The following EXOC6B variants were observed in gnomAD, a reference collection of about 807,000 sequenced individuals.
The protein encoded by EXOC6B is exocyst complex component 6B.
A neutral mutation model predicts 113.5 loss-of-function variants in EXOC6B; 54 were observed. The ratio of observed to expected loss-of-function variants is 0.48; its 90% confidence interval spans 0.38 to 0.60. The LOEUF (loss-of-function observed/expected upper bound fraction) is 0.60. Ranked by LOEUF, EXOC6B falls within the 20% of genes least tolerant of loss-of-function variation. EXOC6B has a pLI of 0.00. For synonymous variants in EXOC6B, 357 were observed against 339.0 expected, an observed-to-expected ratio of 1.05 and a Z score of -0.58; for missense variants, 797 against 977.5, an observed-to-expected ratio of 0.82 and a Z score of 2.46.
At chr2:72,443,003 A>G (rs1002411857) in intron 18 of EXOC6B, among the ~76,000 whole-genome samples, 2 of 152,058 alleles carry the variant, frequency 1.3e-5, no homozygotes, top group African/African-American at 4.8e-5. Flanking sequence ...CACGGCTACA[A>G]TAACCAAAAC....
At chr2:72,188,883 C>T (rs1678620289) in intron 20 of EXOC6B, among the ~76,000 whole-genome samples, 3 of 152,214 alleles carry the variant, frequency 2.0e-5, no homozygotes, top group African/African-American at 7.2e-5. Flanking sequence ...TTCTACCCCA[C>T]ATGCTCCAGC....
At chr2:72,680,649 G>T (rs926947893) in intron 6 of EXOC6B, among the ~76,000 whole-genome samples, 2 of 151,966 alleles carry the variant, frequency 1.3e-5, no homozygotes, top group Non-Finnish European at 1.5e-5. Context: ...TGAGCCAGGA[G>T]AATCACTTGG....
chr2:72,583,021 C>G (rs1705328609), intron 6 of EXOC6B, among the ~76,000 whole-genome samples: 2 of 152,154 alleles, frequency 1.3e-5, no homozygotes, highest in Non-Finnish European at 2.9e-5. Flanking sequence ...ATTAGAGCTT[C>G]TGGAATTGAC....
chr2:72,569,385 A>AT lies in EXOC6B; in HGVS notation c.846+6106dup, dbSNP rs572932058. Among the ~76,000 whole-genome samples the AT allele has an allele frequency of 2.9e-3, 447 of 151,792 alleles. 4 individuals carry two copies. Among genetic ancestry groups the AT allele is most frequent in the African/African-American group, 0.01 (423 of 41,388 alleles). ...CCGTCAGTCTGTTTTTTATTTTGCCATTTTTTTGGATAGACACCCAATATA... is the reference window on the plus strand; with the variant it reads ...CCGTCAGTCTGTTTTTTATTTTGCCATTTTTTTTGGATAGACACCCAATATA... On this transcript the variant is annotated intron_variant, in intron 7 of 21. Coordinates refer to ENST00000272427, the MANE Select transcript of EXOC6B (RefSeq NM_015189.3).
intron 6 of EXOC6B, among the ~76,000 whole-genome samples, chr2:72,712,145 A>G (rs1257060250): frequency 6.6e-6 from 1 of 152,222 alleles, no homozygotes; most frequent in African/African-American, 2.4e-5. Flanking sequence ...AGAGACTTCT[A>G]GCTAGACACC....
intron 20 of EXOC6B, among the ~76,000 whole-genome samples, chr2:72,327,534 G>T (rs1257289427): frequency 1.3e-5 from 2 of 152,026 alleles, no homozygotes; most frequent in Non-Finnish European, 2.9e-5. Flanking sequence ...TTCCAAACAT[G>T]CTATGATGCC....
intron 21 of EXOC6B, chr2:72,183,002 GT>G: frequency 1.3e-6 from 1 of 784,430 alleles, no homozygotes. Flanking sequence ...TGCAGTCTGA[GT>G]TTTTAGTCTC....
At chr2:72,540,449 C>T (rs1335009041) in intron 8 of EXOC6B, among the ~76,000 whole-genome samples, 1 of 152,136 alleles carries the variant, frequency 6.6e-6, no homozygotes, top group African/African-American at 2.4e-5. Flanking sequence ...TCATTTTCTA[C>T]ATATATATAT....
In EXOC6B at chr2:72,825,890, C is replaced by A. The variant is rs1163615292; in HGVS notation, c.21G>T (p.Ala7=). 1 of 1,613,128 alleles carries A rather than the reference C, an allele frequency of 6.2e-7. No homozygotes were observed. Among genetic ancestry groups the A allele is most frequent in the African/African-American group, 1.3e-5 (1 of 74,926 alleles). The change falls in exon 1 of 22, where the codon GCG becomes GCT. Residue 7 remains alanine (A), a synonymous_variant. Coordinates refer to ENST00000272427, the MANE Select transcript of EXOC6B (RefSeq NM_015189.3). The surrounding 1 kb of genome is among the most constrained non-coding windows in gnomAD (Gnocchi z 4.4). MERGKM[A]EAESLETAAE... is the part of the protein sequence containing the mutation. Reference sequence around the variant, plus strand: ...CCGCTGTCTCCAGGCTCTCCGCCTCCGCCATCTTACCCCGCTCCATAGACT... The same window carrying A: ...CCGCTGTCTCCAGGCTCTCCGCCTCAGCCATCTTACCCCGCTCCATAGACT...
intron 6 of EXOC6B, among the ~76,000 whole-genome samples, chr2:72,593,272 C>G (rs966880518): frequency 6.6e-6 from 1 of 151,944 alleles, no homozygotes. Flanking sequence ...TTCTGTAAAC[C>G]ATTACAGCAC....
intron 20 of EXOC6B, among the ~76,000 whole-genome samples, chr2:72,258,405 C>G (rs1465000852): frequency 4.3e-4 from 58 of 135,256 alleles, no homozygotes; most frequent in Non-Finnish European, 3.1e-5. Context: ...ACTCTGTCAT[C>G]CAGGCTGGAA....
chr2:72,285,665 T>C (rs1685383288), intron 20 of EXOC6B, among the ~76,000 whole-genome samples: 1 of 152,096 alleles, frequency 6.6e-6, no homozygotes, highest in South Asian at 2.1e-4. Context: ...TAAAAATTTC[T>C]GCTCTGCAAA....
At chr2:72,326,753 A>C (rs1688150245) in intron 20 of EXOC6B, among the ~76,000 whole-genome samples, 1 of 151,832 alleles carries the variant, frequency 6.6e-6, no homozygotes, top group Non-Finnish European at 1.5e-5. Flanking sequence ...GGATGGTGCA[A>C]AAGTAATTGT....
chr2:72,483,247 G>T (rs1699211146), intron 16 of EXOC6B, among the ~76,000 whole-genome samples: 1 of 152,142 alleles, frequency 6.6e-6, no homozygotes, highest in Non-Finnish European at 1.5e-5. Context: ...TGGGAAGGTG[G>T]CTACTGGAAA....
At chr2:72,280,245 T>C in intron 20 of EXOC6B, among the ~76,000 whole-genome samples, 1 of 152,096 alleles carries the variant, frequency 6.6e-6, no homozygotes, top group Non-Finnish European at 1.5e-5. Flanking sequence ...AGATCAGTGA[T>C]GAAGCAGGCA....
At chr2:72,782,303 C>T (rs1684097522) in intron 1 of EXOC6B, among the ~76,000 whole-genome samples, 1 of 152,124 alleles carries the variant, frequency 6.6e-6, no homozygotes, top group Admixed American at 6.6e-5. Context: ...TTCCTCAAAA[C>T]TCAGTTCAAA....
intron 1 of EXOC6B, among the ~76,000 whole-genome samples, chr2:72,782,632 C>G (rs943445651): frequency 6.6e-5 from 10 of 152,168 alleles, no homozygotes; most frequent in Non-Finnish European, 1.5e-4. Context: ...CTTATTCCTT[C>G]TAACTGTGTA....
At chr2:72,195,425 G>C (rs1159739475) in intron 20 of EXOC6B, among the ~76,000 whole-genome samples, 4 of 152,172 alleles carry the variant, frequency 2.6e-5, no homozygotes, top group Non-Finnish European at 5.9e-5. Context: ...TCCCTTGTTG[G>C]GGTGGCAGAA....
chr2:72,586,463 G>A (rs527454613), intron 6 of EXOC6B, among the ~76,000 whole-genome samples: 12 of 151,954 alleles, frequency 7.9e-5, no homozygotes, highest in Middle Eastern at 3.2e-3. Context: ...AAGACACACC[G>A]CAAACTTGGC....
Sources: allele counts gnomAD v4.1 joint callset (sites outside exome capture counted in the v4.1 genomes callset), GRCh38; gene constraint gnomAD v4.1.1; non-coding constraint Gnocchi (gnomAD v3.1); transcripts MANE v1.5; gene names NCBI Gene and HGNC (gene_info 2026-07-23, HGNC 2026-07-21).